Variants in PREX2 observed in about 807,000 individuals in gnomAD.
PREX2 encodes the protein phosphatidylinositol 3,4,5-trisphosphate-dependent Rac exchanger 2 protein.
PREX2 carries 107 observed loss-of-function variants against 203.2 expected under a neutral mutation model. The ratio of observed to expected loss-of-function variants is 0.53; its 90% confidence interval spans 0.45 to 0.62. PREX2 has a LOEUF of 0.62. PREX2 is among the 20% of genes least tolerant of loss of function. The pLI is 0.00. For missense variants in PREX2, 1,777 were observed against 1,955.9 expected (o/e 0.91, Z 1.72); for synonymous variants, 672 against 663.6 (o/e 1.01, Z -0.19).
rs1810761437 is a variant in PREX2 at position 68,121,008 on chromosome 8, G to A, written c.3683G>A (p.Ser1228Asn). 1 of 1,613,792 alleles carries A rather than the reference G, an allele frequency of 6.2e-7. No homozygotes were observed. Among genetic ancestry groups the A allele is most frequent in the Non-Finnish European group, 8.5e-7 (1 of 1,179,778 alleles). Residue 1228 changes from serine (S) to asparagine (N), a missense_variant, in exon 30 of 40, where the codon AGC becomes AAC. Transcript: ENST00000288368. ...IKQDPWNLPS[S>N]VRTLAQNIRK... ...CAAGATCCTTGGAATCTTCCCAGCA[G>A]CGTCCGGACTCTTGCTCAGAACATC...
intron 1 of PREX2, among the ~76,000 whole-genome samples, chr8:67,959,099 A>G (rs948340758): frequency 6.6e-6 from 1 of 152,220 alleles, no homozygotes; most frequent in Non-Finnish European, 1.5e-5. Flanking sequence ...TGGAGAGTCA[A>G]TGTTTAAAGG....
At chr8:68,131,488 G>T (rs1219547732) in intron 31 of PREX2, among the ~76,000 whole-genome samples, 1 of 152,092 alleles carries the variant, frequency 6.6e-6, no homozygotes, top group Non-Finnish European at 1.5e-5. Context: ...TTCCTGTAGG[G>T]TATTCATTCA....
intron 22 of PREX2, among the ~76,000 whole-genome samples, chr8:68,097,647 C>T (rs1273205876): frequency 1.3e-5 from 2 of 152,256 alleles, no homozygotes; most frequent in Admixed American, 6.5e-5. Context: ...TTATTTTTCT[C>T]CCCCTCCTCC....
chr8:68,173,252 A>G (rs891039172), intron 35 of PREX2, among the ~76,000 whole-genome samples: 4 of 152,136 alleles, frequency 2.6e-5, no homozygotes, highest in Admixed American at 2.0e-4. Flanking sequence ...ACTTTGTTTT[A>G]TATCCAAAAA....
chr8:68,108,440 A>G, intron 24 of PREX2, 109 bp downstream of exon 24: 1 of 702,480 alleles, frequency 1.4e-6, no homozygotes, highest in Non-Finnish European at 2.4e-6. Context: ...AACAAGCATG[A>G]ACTTTTATAA....
In PREX2 at chr8:68,232,417, T is replaced by C. The variant is rs1813185356; in HGVS notation, c.*1039T>C. Reference sequence around the variant, plus strand: ...TTATGGATGCACAAGGTGTATTCTATCCTTATTCTAAAGTATATGTAATGT... The same window carrying C: ...TTATGGATGCACAAGGTGTATTCTACCCTTATTCTAAAGTATATGTAATGT... On this transcript the variant is annotated 3_prime_UTR_variant, in exon 40 of 40. Transcript: ENST00000288368. 1 of 152,206 alleles carries C rather than the reference T, an allele frequency of 6.6e-6. No homozygotes were observed. The highest frequency in any genetic ancestry group is 2.4e-5 in the African/African-American group (1 of 41,460). 9.4% of individuals were successfully genotyped at this position (152,206 alleles called of 1,614,324 possible).
intron 35 of PREX2, among the ~76,000 whole-genome samples, chr8:68,168,301 C>T (rs1164039735): frequency 6.6e-6 from 1 of 152,128 alleles, no homozygotes; most frequent in Non-Finnish European, 1.5e-5. Context: ...ATGTGACATA[C>T]CAGTCACACT....
chr8:68,016,640 T>A (rs2129610131), intron 1 of PREX2, among the ~76,000 whole-genome samples: 1 of 152,294 alleles, frequency 6.6e-6, no homozygotes, highest in East Asian at 1.9e-4. Context: ...TGAGATAGGA[T>A]CTTACTCTGT....
intron 23 of PREX2, chr8:68,103,464 A>T (rs1810320800): frequency 1.0e-5 from 5 of 495,920 alleles, no homozygotes; most frequent in Non-Finnish European, 2.0e-5. Flanking sequence ...CATCTTCAGA[A>T]ATTGTTTATT....
chr8:68,096,124 A>G (rs1054096830), intron 21 of PREX2, among the ~76,000 whole-genome samples: 1 of 152,192 alleles, frequency 6.6e-6, no homozygotes, highest in Admixed American at 6.5e-5. Flanking sequence ...ATATTTATCC[A>G]AAACAGGACA....
intron 7 of PREX2, among the ~76,000 whole-genome samples, chr8:68,043,140 A>G (rs997929029): frequency 6.6e-6 from 1 of 152,026 alleles, no homozygotes; most frequent in East Asian, 1.9e-4. Context: ...TCTATAGTCA[A>G]CCTCCTGTGA....
intron 8 of PREX2, among the ~76,000 whole-genome samples, chr8:68,047,867 A>G (rs1282585548): frequency 6.6e-6 from 1 of 151,950 alleles, no homozygotes; most frequent in Non-Finnish European, 1.5e-5. Flanking sequence ...TGCACTTGGG[A>G]TGAGACAAAA....
chr8:68,174,024 T>C (rs760164132), intron 35 of PREX2, among the ~76,000 whole-genome samples: 1 of 152,234 alleles, frequency 6.6e-6, no homozygotes, highest in African/African-American at 2.4e-5. Flanking sequence ...CTTTTCTATC[T>C]GATCACAAGG....
At chr8:68,075,298 A>G (rs1312301209) in intron 14 of PREX2, among the ~76,000 whole-genome samples, 1 of 152,224 alleles carries the variant, frequency 6.6e-6, no homozygotes, top group Non-Finnish European at 1.5e-5. Context: ...TAAAGCAATC[A>G]AATGTCAGTG....
intron 35 of PREX2, among the ~76,000 whole-genome samples, chr8:68,172,533 G>A (rs558260312): frequency 2.6e-5 from 4 of 152,288 alleles, no homozygotes; most frequent in African/African-American, 9.6e-5. Flanking sequence ...ATTATGTAGG[G>A]GAAGTGTAAA....
intron 37 of PREX2, among the ~76,000 whole-genome samples, chr8:68,195,521 T>A (rs190947398): frequency 1.6e-3 from 244 of 152,322 alleles, no homozygotes; most frequent in Middle Eastern, 3.4e-3. Flanking sequence ...AGATTTTTCA[T>A]GATGATAAGA....
chr8:68,064,472 G>A (rs913142197), intron 11 of PREX2, among the ~76,000 whole-genome samples: 7 of 151,674 alleles, frequency 4.6e-5, no homozygotes, highest in Non-Finnish European at 8.8e-5. Flanking sequence ...GGGCTCAAGC[G>A]ATCCTCCTAC....
At chr8:68,040,225 C>T (rs1364112050) in intron 7 of PREX2, among the ~76,000 whole-genome samples, 1 of 152,158 alleles carries the variant, frequency 6.6e-6, no homozygotes, top group Admixed American at 6.5e-5. Flanking sequence ...CAAGGTCTCA[C>T]TGTATTTCCC....
chr8:68,141,272 A>G (rs1467720452), intron 33 of PREX2, among the ~76,000 whole-genome samples: 6 of 152,126 alleles, frequency 3.9e-5, no homozygotes, highest in African/African-American at 1.4e-4. Flanking sequence ...CTCCTTTTCA[A>G]TGGTCATATG....
Sources: gnomAD v4.1 joint callset for allele counts (sites outside exome capture counted in the v4.1 genomes callset) on GRCh38, gnomAD v4.1.1 for gene constraint, MANE v1.5 for transcripts, NCBI Gene and HGNC (gene_info 2026-07-23, HGNC 2026-07-21) for gene names.